Variants in LIMCH1 observed in about 807,000 individuals in gnomAD.
LIMCH1 encodes LIM and calponin homology domains-containing protein 1.
A neutral mutation model predicts 176.5 loss-of-function variants in LIMCH1; 113 were observed. The observed-to-expected ratio is 0.64, with a 90% CI of 0.55 to 0.75. The LOEUF is 0.75. LIMCH1 is among the 30% of genes least tolerant of loss of function. LIMCH1 has a pLI of 0.00. For synonymous variants in LIMCH1, 619 were observed against 645.9 expected (o/e 0.96, Z 0.63); for missense variants, 1,674 against 1,814.9 (o/e 0.92, Z 1.41).
intron 1 of LIMCH1, among the ~76,000 whole-genome samples, chr4:41,371,246 T>C (rs925610892): frequency 6.6e-6 from 1 of 152,184 alleles, no homozygotes; most frequent in Non-Finnish European, 1.5e-5. Flanking sequence ...TCTATATACA[T>C]AGCACCGTTA....
At chr4:41,619,682 A>G (rs1584942128) in intron 6 of LIMCH1, 1 of 551,646 alleles carries the variant, frequency 1.8e-6, no homozygotes. Flanking sequence ...CTAAATAAGC[A>G]GATTTCTGAA....
chr4:41,545,429 C>T (rs115109993), intron 1 of LIMCH1, among the ~76,000 whole-genome samples: 30 of 152,084 alleles, frequency 2.0e-4, no homozygotes, highest in African/African-American at 7.2e-4. Context: ...TTCGTCAGTA[C>T]GAGGGGAGAG....
intron 2 of LIMCH1, among the ~76,000 whole-genome samples, chr4:41,513,812 C>G (rs575516048): frequency 1.3e-4 from 19 of 151,968 alleles, no homozygotes; most frequent in African/African-American, 4.3e-4. Context: ...CAAGACCAGC[C>G]TGGTCAACAT....
chr4:41,500,206 A>G (rs374287703), intron 2 of LIMCH1, among the ~76,000 whole-genome samples: 11 of 152,358 alleles, frequency 7.2e-5, no homozygotes, highest in African/African-American at 1.9e-4. Flanking sequence ...AGTTGTGGAA[A>G]TAACTTGATA....
intron 1 of LIMCH1, among the ~76,000 whole-genome samples, chr4:41,546,774 CT>C (rs2079481019): frequency 1.3e-5 from 2 of 152,126 alleles, no homozygotes; most frequent in South Asian, 2.1e-4. Context: ...CATTCTTCCC[CT>C]AGCTCAATTC....
chr4:41,692,553 TC>T lies in LIMCH1; in HGVS notation c.4378+171del, dbSNP rs2153088852. 1.8e-5 allele frequency: 10 copies of T among 556,780 alleles called. No individual in the cohort carries two copies. In the South Asian group the frequency reaches 2.1e-4, roughly 12 times the overall value. The allele number at this position is 556,780 out of a possible 1,614,324, so 34.5% of individuals were successfully genotyped here. On this transcript the variant is annotated intron_variant, in intron 31 of 31. Coordinates refer to ENST00000503057, the MANE Select transcript of LIMCH1 (RefSeq NM_001330672.2). The stretch of plus-strand genomic sequence containing the variant: ...GAAAAGATATTTACCACTCGTTTCT[TC>T]CTGGAAGTTATTGCTACAATGTGGA...
chr4:41,542,949 TTA>T (rs1179488531), intron 1 of LIMCH1, among the ~76,000 whole-genome samples: 1 of 152,234 alleles, frequency 6.6e-6, no homozygotes, highest in African/African-American at 2.4e-5. Context: ...GCAAAACTGA[TTA>T]TCTTATATAA....
chr4:41,492,580 A>C (rs1357814752), intron 1 of LIMCH1, among the ~76,000 whole-genome samples: 2 of 152,204 alleles, frequency 1.3e-5, no homozygotes, highest in Non-Finnish European at 2.9e-5. Flanking sequence ...AAAAATGTAC[A>C]TTCTGCAGTT....
At chr4:41,592,212 G>A (rs538610808) in intron 1 of LIMCH1, among the ~76,000 whole-genome samples, 1 of 152,202 alleles carries the variant, frequency 6.6e-6, no homozygotes, top group Admixed American at 6.5e-5. Flanking sequence ...GTTCTGTCCA[G>A]CTTTTAGATT....
At position 41,360,808 on chromosome 4, in the gene LIMCH1, T is replaced by A; in HGVS notation, c.-33T>A. On this transcript the variant is annotated 5_prime_UTR_variant, in exon 1 of 27. Transcript: ENST00000313860. The surrounding 1 kb of genome is among the most constrained non-coding windows in gnomAD (Gnocchi z 4.5). Reference sequence around the variant, plus strand: ...GCGGCGACGGCGGCGGCCGTCCTCATCCCGGCGCTTGAGAGGACGCGGGGC... The same window carrying A: ...GCGGCGACGGCGGCGGCCGTCCTCAACCCGGCGCTTGAGAGGACGCGGGGC... The A allele has an allele frequency of 6.7e-7, 1 of 1,495,734 alleles. No homozygotes were observed. The highest frequency in any genetic ancestry group is 9.0e-7 in the Non-Finnish European group (1 of 1,116,902). 92.7% of individuals were successfully genotyped at this position (1,495,734 alleles called of 1,614,324 possible).
chr4:41,579,591 A>G (rs1322149576), intron 1 of LIMCH1, among the ~76,000 whole-genome samples: 3 of 152,342 alleles, frequency 2.0e-5, no homozygotes, highest in South Asian at 2.1e-4. Context: ...GTGTCTAAAC[A>G]TCAAACAAAT....
intron 7 of LIMCH1, among the ~76,000 whole-genome samples, chr4:41,621,328 C>G (rs2092566184): frequency 6.6e-6 from 1 of 152,052 alleles, no homozygotes; most frequent in Admixed American, 6.6e-5. Flanking sequence ...CAATCAGAGC[C>G]AAGGAAAACT....
At chr4:41,610,263 T>C (rs979283645) in intron 4 of LIMCH1, among the ~76,000 whole-genome samples, 1 of 152,198 alleles carries the variant, frequency 6.6e-6, no homozygotes, top group Non-Finnish European at 1.5e-5. Flanking sequence ...GTGGGGAGCC[T>C]TTCTGATATT....
At chr4:41,426,872 G>A (rs2061157465) in intron 1 of LIMCH1, among the ~76,000 whole-genome samples, 1 of 152,194 alleles carries the variant, frequency 6.6e-6, no homozygotes, top group African/African-American at 2.4e-5. Context: ...AAGATACTAA[G>A]TAAAAAACAT....
At chr4:41,556,430 T>C (rs929017667) in intron 1 of LIMCH1, among the ~76,000 whole-genome samples, 21 of 133,438 alleles carry the variant, frequency 1.6e-4, no homozygotes, top group African/African-American at 5.9e-4. Flanking sequence ...AAAAAGAAAA[T>C]ATCATAACAT....
Position 41,619,406 on chromosome 4 carries a change from G to A in LIMCH1, c.424G>A (p.Ala142Thr), listed in dbSNP as rs766254213. Reference sequence around the variant, plus strand: ...GGAATACCGCAAGAGCTGGAGTACCGCCACCTCCCCGCTGGGTGGGGAGAG... The same window carrying A: ...GGAATACCGCAAGAGCTGGAGTACCACCACCTCCCCGCTGGGTGGGGAGAG... Reference protein sequence around the residue: ...REEYRKSWSTATSPLGGERPF... With the variant: ...REEYRKSWSTTTSPLGGERPF... The change falls in exon 6 of 32, where the codon GCC becomes ACC. Residue 142 changes from alanine (A) to threonine (T), a missense_variant. Physicochemically the swap from Ala to Thr is moderately conservative, Grantham distance 58. Around this residue, in one of 3 missense-constraint regions of LIMCH1, gnomAD observed 655 missense variants for 692.2 expected, o/e 0.95. Coordinates refer to ENST00000503057, the MANE Select transcript of LIMCH1 (RefSeq NM_001330672.2). 5.0e-6 allele frequency: 8 copies of A among 1,612,182 alleles called. No individual in the cohort carries two copies. The East Asian group carries it at 1.1e-4, about 22-fold the overall frequency.
At chr4:41,577,896 T>A (rs1006858872) in intron 1 of LIMCH1, among the ~76,000 whole-genome samples, 1 of 152,206 alleles carries the variant, frequency 6.6e-6, no homozygotes, top group Non-Finnish European at 1.5e-5. Context: ...TTAAGCGATC[T>A]CTTGTTGTTG....
intron 1 of LIMCH1, among the ~76,000 whole-genome samples, chr4:41,540,128 C>A (rs1467771415): frequency 6.6e-6 from 1 of 152,142 alleles, no homozygotes; most frequent in African/African-American, 2.4e-5. Context: ...GCAACACAAT[C>A]GTTTGTTTCC....
chr4:41,462,882 AT>A (rs1007091871), intron 1 of LIMCH1, among the ~76,000 whole-genome samples: 3 of 151,212 alleles, frequency 2.0e-5, no homozygotes, highest in South Asian at 2.1e-4. Flanking sequence ...TAGACCTTTT[AT>A]TTTTTTTTAA....
Sources: allele counts gnomAD v4.1 joint callset (sites outside exome capture counted in the v4.1 genomes callset), GRCh38; gene constraint gnomAD v4.1.1; regional missense constraint gnomAD v4.1.1; non-coding constraint Gnocchi (gnomAD v3.1); transcripts MANE v1.5; gene names NCBI Gene and HGNC (gene_info 2026-07-23, HGNC 2026-07-21).